Variants in HERC2 observed in about 807,000 individuals in gnomAD.
The protein encoded by HERC2 is HECT and RLD domain containing E3 ubiquitin protein ligase 2, also known as E3 ubiquitin-protein ligase HERC2.
In HERC2, 102 loss-of-function variants were observed where a neutral mutation model predicts 537.7. The observed-to-expected ratio is 0.19, with a 90% CI of 0.16 to 0.22. The LOEUF (loss-of-function observed/expected upper bound fraction) is 0.22, where lower values mean the gene tolerates loss of function less well. HERC2 is among the 10% of genes least tolerant of loss of function. HERC2 has a pLI of 1.00. For synonymous variants in HERC2, 2,224 were observed against 2,466.2 expected, an observed-to-expected ratio of 0.90 and a Z score of 2.91; for missense variants, 4,236 against 6,198.2, an observed-to-expected ratio of 0.68 and a Z score of 10.63.
At chr15:28,183,489 A>G (rs1196740749) in intron 56 of HERC2, among the ~76,000 whole-genome samples, 1 of 152,188 alleles carries the variant, frequency 6.6e-6, no homozygotes, top group African/African-American at 2.4e-5. Flanking sequence ...CTGGGATTAC[A>G]GGTGGGAGCC....
chr15:28,238,892 T>C (rs1902745667), intron 23 of HERC2, 120 bp from the exon 24 acceptor site: 4 of 761,026 alleles, frequency 5.3e-6, no homozygotes. Context: ...ATGGGAGAAA[T>C]ACATACCTAG....
At chr15:28,296,605 A>C (rs2881294) in intron 3 of HERC2, among the ~76,000 whole-genome samples, 32,236 of 151,306 alleles carry the variant, frequency 0.21, 6,707 homozygotes, top group African/African-American at 0.53. Context: ...CTTTGGGAAA[A>C]ATTTTAATTT....
intron 86 of HERC2, 49 bp downstream of exon 86, chr15:28,121,297 G>A (rs375746566): frequency 5.9e-6 from 9 of 1,534,128 alleles, no homozygotes; most frequent in Middle Eastern, 1.7e-4. Context: ...ACCCACGAAA[G>A]CATCACTTCT....
intron 16 of HERC2, among the ~76,000 whole-genome samples, 189 bp downstream of exon 16, chr15:28,260,588 C>T (rs965824522): frequency 3.9e-5 from 6 of 152,188 alleles, no homozygotes; most frequent in African/African-American, 1.4e-4. Context: ...CCCCTCTATA[C>T]AGATAGCATT....
At chr15:28,319,401 T>C (rs1175541443) in intron 2 of HERC2, among the ~76,000 whole-genome samples, 1 of 151,298 alleles carries the variant, frequency 6.6e-6, no homozygotes, top group East Asian at 1.9e-4. Context: ...GCCAACACAG[T>C]GAAACCCCAT....
In HERC2 at chr15:28,274,294, G is replaced by A. The variant is rs146210640; in HGVS notation, c.797C>T (p.Thr266Met). Residue 266 changes from threonine (T) to methionine (M), a missense_variant, in exon 7 of 93, where the codon ACG becomes ATG. Around this residue, in one of 27 missense-constraint regions of HERC2, gnomAD observed 491 missense variants for 559.3 expected, o/e 0.88. Coordinates refer to ENST00000261609, the MANE Select transcript of HERC2 (RefSeq NM_004667.6). ...GGCAAGAAAGGAAAGAACTCACCCC[G>A]TCACGACGGACCTGAGGAACCTGGT... ...RATRFLRSVV[T>M]GDVHGTPATK... The A allele has an allele frequency of 1.3e-5, 21 of 1,614,006 alleles. No individual in the cohort carries two copies. Among genetic ancestry groups the A allele is most frequent in the Middle Eastern group, 1.6e-4 (1 of 6,084 alleles).
At chr15:28,156,298 A>G (rs557460694) in intron 69 of HERC2, among the ~76,000 whole-genome samples, 1 of 152,334 alleles carries the variant, frequency 6.6e-6, no homozygotes, top group East Asian at 1.9e-4. Flanking sequence ...AATTCTGTGA[A>G]GAAAGTCATT....
Position 28,177,120 on chromosome 15 carries a change from C to T in HERC2, c.9262G>A (p.Asp3088Asn). 6.2e-7 allele frequency: 1 copy of T among 1,610,166 alleles called. No homozygotes were observed. Among genetic ancestry groups the T allele is most frequent in the Non-Finnish European group, 8.5e-7 (1 of 1,177,352 alleles). Reference protein sequence around the residue: ...KLGHFSRMNCDKPRLIEALKT... With the variant: ...KLGHFSRMNCNKPRLIEALKT... The stretch of plus-strand genomic sequence containing the variant: ...AGGGCCTCGATCAGCCTTGGTTTGT[C>T]ACAGTTCCTACAACAAGATGAAATC... Residue 3088 changes from aspartate to asparagine, a missense_variant, in exon 61 of 93, where the codon GAC becomes AAC. Physicochemically the swap from Asp to Asn is conservative, Grantham distance 23. This residue lies in a region of HERC2 where 606 missense variants were observed against 884.5 expected (regional missense o/e 0.69). Transcript: ENST00000261609. The surrounding 1 kb of genome is among the most constrained non-coding windows in gnomAD (Gnocchi z 5.0).
intron 69 of HERC2, among the ~76,000 whole-genome samples, chr15:28,161,157 T>G (rs1330786330): frequency 6.6e-6 from 1 of 152,246 alleles, no homozygotes; most frequent in Non-Finnish European, 1.5e-5. Flanking sequence ...AAGTACTTTA[T>G]CGTTTTGGTG....
At chr15:28,182,720 C>T (rs1895943271) in intron 56 of HERC2, among the ~76,000 whole-genome samples, 1 of 152,078 alleles carries the variant, frequency 6.6e-6, no homozygotes, top group African/African-American at 2.4e-5. Flanking sequence ...ACAACCATGC[C>T]ACCTTTTAAT....
intron 36 of HERC2, 126 bp downstream of exon 36, chr15:28,221,902 A>G: frequency 2.3e-6 from 2 of 856,620 alleles, no homozygotes; most frequent in South Asian, 2.7e-5. Flanking sequence ...TCGGGAACCA[A>G]CACCTGTGTC....
intron 65 of HERC2, among the ~76,000 whole-genome samples, chr15:28,172,967 A>C (rs912822034): frequency 6.6e-6 from 1 of 152,232 alleles, no homozygotes; most frequent in African/African-American, 2.4e-5. Context: ...ACATTCACCA[A>C]AAAAGGTATC....
rs758518252 is a variant in HERC2 at position 28,214,142 on chromosome 15, G to A, written c.6489C>T (p.Ile2163=). The change falls in exon 41 of 93, where the codon ATC becomes ATT. Residue 2163 remains isoleucine (I), a synonymous_variant. Coordinates refer to ENST00000261609, the MANE Select transcript of HERC2 (RefSeq NM_004667.6). The part of the protein sequence containing the change: ...LHSLTQWNGL[I]NKYINSQLRS... ...GGAGCTGGGAGTTGATGTACTTGTT[G>A]ATGAGCCCATTCCACTGAGTCAGGG... The A allele has an allele frequency of 2.5e-6, 4 of 1,613,992 alleles. No homozygotes were observed. In the African/African-American group the frequency reaches 5.3e-5, roughly 22 times the overall value.
chr15:28,215,677 G>C lies in HERC2; in HGVS notation c.6154C>G (p.Leu2052Val). ...GCGTGCCCTTCCACGACCTTCATGAGCAGCGTGATCCACTGCGGGGAGCTG... is the reference window on the plus strand; with the variant it reads ...GCGTGCCCTTCCACGACCTTCATGACCAGCGTGATCCACTGCGGGGAGCTG... ...ALSSPQWITL[L>V]MKVVEGHAPF... The change falls in exon 39 of 93, where the codon CTC (leucine) becomes GTC (valine). Residue 2052 changes from leucine to valine, a missense_variant. Around this residue, in one of 27 missense-constraint regions of HERC2, gnomAD observed 365 missense variants for 468.8 expected, o/e 0.78. Coordinates refer to ENST00000261609, the MANE Select transcript of HERC2 (RefSeq NM_004667.6). The C allele has an allele frequency of 6.2e-7, 1 of 1,611,970 alleles. No homozygotes were observed. Among genetic ancestry groups the C allele is most frequent in the Non-Finnish European group, 8.5e-7 (1 of 1,179,806 alleles).
At chr15:28,294,201 A>G (rs1482779949) in intron 3 of HERC2, among the ~76,000 whole-genome samples, 1 of 152,202 alleles carries the variant, frequency 6.6e-6, no homozygotes, top group Non-Finnish European at 1.5e-5. Context: ...AACTACCTAG[A>G]ATTAGCACAG....
At chr15:28,224,298 T>C (rs1900872028) in intron 35 of HERC2, among the ~76,000 whole-genome samples, 2 of 151,902 alleles carry the variant, frequency 1.3e-5, no homozygotes, top group Non-Finnish European at 2.9e-5. Flanking sequence ...CTCCGCTCAC[T>C]GCAACCTCTG....
intron 52 of HERC2, among the ~76,000 whole-genome samples, chr15:28,194,494 C>T (rs914209772): frequency 6.6e-5 from 10 of 151,368 alleles, no homozygotes; most frequent in Admixed American, 2.6e-4. Flanking sequence ...GGCATGAACC[C>T]GGGAAGCGGA....
intron 52 of HERC2, 126 bp downstream of exon 52, chr15:28,196,089 G>C: frequency 2.6e-6 from 2 of 772,018 alleles, no homozygotes; most frequent in Non-Finnish European, 2.1e-6. Context: ...CCGTCTCACT[G>C]TACTCACTCT....
chr15:28,136,332 A>G (rs1469684073), intron 78 of HERC2, among the ~76,000 whole-genome samples: 3 of 36,208 alleles, frequency 8.3e-5, no homozygotes, highest in Non-Finnish European at 2.0e-3. Flanking sequence ...CACTGACATA[A>G]TATAAGGAAG....
Sources: allele counts gnomAD v4.1 joint callset (sites outside exome capture counted in the v4.1 genomes callset), GRCh38; gene constraint gnomAD v4.1.1; regional missense constraint gnomAD v4.1.1; non-coding constraint Gnocchi (gnomAD v3.1); transcripts MANE v1.5; gene names NCBI Gene and HGNC (gene_info 2026-07-23, HGNC 2026-07-21).